The following GNG12 variants were observed in gnomAD, a reference collection of about 807,000 sequenced individuals.
The protein encoded by GNG12 is G protein subunit gamma 12, also known as guanine nucleotide-binding protein G(I)/G(S)/G(O) subunit gamma-12.
For missense variants in GNG12, 69 were observed against 83.8 expected (o/e 0.82, Z 0.69); for synonymous variants, 28 against 29.7 (o/e 0.94, Z 0.19).
intron 2 of GNG12, among the ~76,000 whole-genome samples, chr1:67,740,044 C>T (rs548364760): frequency 2.6e-5 from 4 of 152,260 alleles, no homozygotes; most frequent in East Asian, 1.9e-4. Context: ...GGATAAATTA[C>T]GGCACGCCAG....
chr1:67,789,390 G>A (rs936511370), intron 1 of GNG12, among the ~76,000 whole-genome samples: 3 of 152,044 alleles, frequency 2.0e-5, no homozygotes, highest in African/African-American at 7.2e-5. Flanking sequence ...GTATTTGAAT[G>A]GAACTATATT....
intron 1 of GNG12, among the ~76,000 whole-genome samples, chr1:67,786,021 A>C (rs1646765682): frequency 6.6e-6 from 1 of 152,170 alleles, no homozygotes; most frequent in Admixed American, 6.5e-5. Flanking sequence ...TCTGTTTCCT[A>C]ATACTAGGAA....
rs535836038 is a variant in GNG12 at position 67,821,963 on chromosome 1, C to A, written c.-77+11381G>T. Among the ~76,000 whole-genome samples, 5 of 151,960 alleles carry A rather than the reference C, an allele frequency of 3.3e-5. No homozygotes were observed. In the South Asian group the frequency reaches 1.0e-3, roughly 32 times the overall value. ...GAGACTGAAACCGCAAACTCAAGCTCTAAACCAGGGGTGTCCAATCTTTTG... is the reference window on the plus strand; with the variant it reads ...GAGACTGAAACCGCAAACTCAAGCTATAAACCAGGGGTGTCCAATCTTTTG... On this transcript the variant is annotated intron_variant, in intron 1 of 3. Transcript: ENST00000370982.
chr1:67,791,787 C>T (rs915962238), intron 1 of GNG12, among the ~76,000 whole-genome samples: 3 of 152,160 alleles, frequency 2.0e-5, no homozygotes, highest in Admixed American at 1.3e-4. Context: ...CTCAACCCCC[C>T]ATCTAGTTTC....
In GNG12 at chr1:67,704,330, T is replaced by C. The variant is rs1015562747; in HGVS notation, c.*1121A>G. 6.6e-6 allele frequency: 1 copy of C among 151,024 alleles called. No individual in the cohort carries two copies. The highest frequency in any genetic ancestry group is 2.1e-4 in the South Asian group (1 of 4,758). The allele number at this position is 151,024 out of a possible 1,614,324, so 9.4% of individuals were successfully genotyped here. ...CTGACAGCTTGCATTTTTTTTTTAA[T>C]TTTTTTTTTCCTCACCGTATTCCAC... is the stretch of plus-strand genomic sequence containing the variant. On this transcript the variant is annotated 3_prime_UTR_variant, in exon 4 of 4. Coordinates refer to ENST00000370982, the MANE Select transcript of GNG12 (RefSeq NM_018841.6).
At chr1:67,796,045 T>C (rs899380290) in intron 1 of GNG12, among the ~76,000 whole-genome samples, 2 of 152,236 alleles carry the variant, frequency 1.3e-5, no homozygotes, top group African/African-American at 4.8e-5. Flanking sequence ...ATCGATGTTA[T>C]TGAATTCTTA....
chr1:67,713,219 G>A (rs1007641594), intron 2 of GNG12, among the ~76,000 whole-genome samples: 1 of 152,212 alleles, frequency 6.6e-6, no homozygotes, highest in Non-Finnish European at 1.5e-5. Flanking sequence ...ATCCCACCCA[G>A]AAGGGCCAAG....
At chr1:67,782,723 G>C (rs1030294537) in intron 1 of GNG12, among the ~76,000 whole-genome samples, 3 of 152,098 alleles carry the variant, frequency 2.0e-5, no homozygotes, top group Admixed American at 2.0e-4. Flanking sequence ...AAGTGAAAAA[G>C]AGTAAACAAG....
chr1:67,763,873 C>T (rs887421594), intron 2 of GNG12, among the ~76,000 whole-genome samples: 1 of 152,058 alleles, frequency 6.6e-6, no homozygotes, highest in Non-Finnish European at 1.5e-5. Context: ...GTCTAAGAAG[C>T]TCTGTCAATT....
chr1:67,727,615 A>G (rs1441333958), intron 2 of GNG12, among the ~76,000 whole-genome samples: 1 of 152,208 alleles, frequency 6.6e-6, no homozygotes, highest in Non-Finnish European at 1.5e-5. Context: ...GAATTCTGGG[A>G]AAACATACCT....
intron 2 of GNG12, among the ~76,000 whole-genome samples, chr1:67,718,073 G>T (rs893509317): frequency 1.3e-5 from 2 of 152,182 alleles, no homozygotes; most frequent in Non-Finnish European, 2.9e-5. Flanking sequence ...TCCACCCTAT[G>T]ACTTCAGCTA....
At chr1:67,794,778 G>A (rs1259642159) in intron 1 of GNG12, among the ~76,000 whole-genome samples, 1 of 152,222 alleles carries the variant, frequency 6.6e-6, no homozygotes, top group African/African-American at 2.4e-5. Flanking sequence ...GGGCAAGTAT[G>A]ACTTGCTCCA....
chr1:67,725,374 G>A (rs1181360302), intron 2 of GNG12, among the ~76,000 whole-genome samples: 1 of 152,162 alleles, frequency 6.6e-6, no homozygotes, highest in East Asian at 1.9e-4. Context: ...TGGATTTGAG[G>A]AAACATGTCT....
rs1336829261 is a variant in GNG12, at chr1:67,762,540, GA to G, written c.-27+14917del. ...AGAAAAACAAGAGAAAAGTTTAAAA[GA>G]GTATGTATTTATGTACATATATACC... On this transcript the variant is annotated intron_variant, in intron 2 of 3. Transcript: ENST00000370982. Among the ~76,000 whole-genome samples the G allele has an allele frequency of 2.0e-5, 3 of 152,238 alleles. No individual in the cohort carries two copies. The South Asian group carries it at 6.2e-4, about 32-fold the overall frequency.
chr1:67,774,858 T>C (rs975682325), intron 2 of GNG12, among the ~76,000 whole-genome samples: 2 of 152,192 alleles, frequency 1.3e-5, no homozygotes, highest in African/African-American at 2.4e-5. Flanking sequence ...AAAAAGCCCA[T>C]AGAAGTAATT....
chr1:67,753,557 C>G (rs1184880387), intron 2 of GNG12, among the ~76,000 whole-genome samples: 1 of 152,126 alleles, frequency 6.6e-6, no homozygotes, highest in Non-Finnish European at 1.5e-5. Flanking sequence ...CAGGGCAGCC[C>G]CGATACCTTC....
intron 2 of GNG12, among the ~76,000 whole-genome samples, chr1:67,726,014 T>G (rs1216543296): frequency 6.6e-6 from 1 of 152,174 alleles, no homozygotes; most frequent in African/African-American, 2.4e-5. Flanking sequence ...TCACTCAAAT[T>G]TAAGAATATC....
At chr1:67,736,980 A>G (rs1646456230) in intron 2 of GNG12, among the ~76,000 whole-genome samples, 1 of 152,196 alleles carries the variant, frequency 6.6e-6, no homozygotes, top group African/African-American at 2.4e-5. Context: ...GTGAGTGAGC[A>G]TGGCCAACAT....
chr1:67,760,953 G>A (rs755740661), intron 2 of GNG12, among the ~76,000 whole-genome samples: 8 of 152,180 alleles, frequency 5.3e-5, no homozygotes, highest in Non-Finnish European at 8.8e-5. Context: ...ATGGGGGTGC[G>A]ATTATTATTC....
Sources: gnomAD v4.1 joint callset for allele counts (sites outside exome capture counted in the v4.1 genomes callset) on GRCh38, gnomAD v4.1.1 for gene constraint, MANE v1.5 for transcripts, NCBI Gene and HGNC (gene_info 2026-07-23, HGNC 2026-07-21) for gene names.